The following UPRT variants were observed in gnomAD, a reference collection of about 807,000 sequenced individuals.
UPRT encodes uracil phosphoribosyltransferase homolog, also known as RP11-311P8.3.
In UPRT, 5 loss-of-function variants were observed where a neutral mutation model predicts 22.6. The ratio of observed to expected loss-of-function variants is 0.22; its 90% CI spans 0.12 to 0.47. The LOEUF (loss-of-function observed/expected upper bound fraction) is 0.47, where lower values mean the gene tolerates loss of function less well. Ranked by LOEUF, UPRT falls within the 20% of genes least tolerant of loss-of-function variation. The pLI is 0.99. For missense variants in UPRT, 181 were observed against 239.9 expected, an observed-to-expected ratio of 0.75 and a Z score of 1.62; for synonymous variants, 77 against 87.7, an observed-to-expected ratio of 0.88 and a Z score of 0.68.
At chrX:75,219,342 G>T (rs772470544) in intron 4 of UPRT, among the ~76,000 whole-genome samples, 1 of 112,223 alleles carries the variant, frequency 8.9e-6, no homozygotes, top group African/African-American at 3.2e-5. Context: ...GTAAAGAGGT[G>T]TGAATTCCAT....
chrX:75,285,543 C>T (rs1171314120), intron 1 of UPRT: 2 of 111,783 alleles, frequency 1.8e-5, no homozygotes, highest in Non-Finnish European at 3.8e-5. Flanking sequence ...ATACATTTCT[C>T]CCACAAACAG....
At chrX:75,210,272 C>A (rs1569266296) in intron 4 of UPRT, among the ~76,000 whole-genome samples, 1 of 111,315 alleles carries the variant, frequency 9.0e-6, no homozygotes. Flanking sequence ...TTTGCATGGG[C>A]CTGGGCATTC....
At chrX:75,303,368 A>G in intron 6 of UPRT, 37 bp from the exon 7 acceptor site, 1 of 1,115,615 alleles carries the variant, frequency 9.0e-7, no homozygotes, top group Non-Finnish European at 1.2e-6. Context: ...TGGTGTTACC[A>G]AAACATCCTA....
At chrX:75,242,031 A>T (rs1417708357) in intron 4 of UPRT, among the ~76,000 whole-genome samples, 1 of 110,785 alleles carries the variant, frequency 9.0e-6, no homozygotes, top group East Asian at 2.8e-4. Flanking sequence ...GAATTTATCC[A>T]TGTAACCAAA....
chrX:75,266,519 C>G (rs1046311465), intron 4 of UPRT, among the ~76,000 whole-genome samples: 4 of 111,585 alleles, frequency 3.6e-5, no homozygotes, highest in African/African-American at 1.3e-4. Context: ...CCATTCAGGA[C>G]ATAGGCATTG....
At chrX:75,183,147 T>A (rs755799735) in intron 4 of UPRT, among the ~76,000 whole-genome samples, 12 of 110,875 alleles carry the variant, frequency 1.1e-4, no homozygotes, top group Admixed American at 9.6e-4. Flanking sequence ...ACATTAGGTA[T>A]ATCTCCTAAT....
chrX:75,200,702 AG>A (rs1285896432), intron 4 of UPRT, among the ~76,000 whole-genome samples: 3 of 111,519 alleles, frequency 2.7e-5, no homozygotes, highest in African/African-American at 9.8e-5. Context: ...CTGTAATCGC[AG>A]CACTTTGGGA....
intron 4 of UPRT, among the ~76,000 whole-genome samples, chrX:75,215,400 G>A (rs1260203751): frequency 9.0e-6 from 1 of 111,346 alleles, no homozygotes; most frequent in African/African-American, 3.3e-5. Flanking sequence ...TTGACAACAG[G>A]ATATTAATAA....
At chrX:75,206,677 T>A (rs1477116531) in intron 4 of UPRT, among the ~76,000 whole-genome samples, 2 of 110,657 alleles carry the variant, frequency 1.8e-5, no homozygotes, top group African/African-American at 6.6e-5. Context: ...TAATGATTTT[T>A]TTTTTGAGAT....
chrX:75,176,298 C>T (rs1188985008), intron 4 of UPRT, among the ~76,000 whole-genome samples: 1 of 111,451 alleles, frequency 9.0e-6, no homozygotes, highest in African/African-American at 3.3e-5. Flanking sequence ...CTTTCTTCAG[C>T]TGTCATTCTA....
intron 2 of UPRT, among the ~76,000 whole-genome samples, chrX:75,162,463 C>T (rs1244255818): frequency 1.8e-5 from 2 of 111,367 alleles, no homozygotes; most frequent in East Asian, 5.6e-4. Flanking sequence ...ATCTTAAACT[C>T]TCCAAGTTGC....
chrX:75,250,421 T>A (rs1366331468), intron 4 of UPRT, among the ~76,000 whole-genome samples: 1 of 110,628 alleles, frequency 9.0e-6, no homozygotes. Flanking sequence ...CATGAAAGAA[T>A]ACTATAAACA....
At chrX:75,252,263 G>T (rs2082533277) in intron 4 of UPRT, among the ~76,000 whole-genome samples, 1 of 111,886 alleles carries the variant, frequency 8.9e-6, no homozygotes, top group South Asian at 3.7e-4. Context: ...ACTACCATCA[G>T]AGTGAACAGG....
intron 4 of UPRT, among the ~76,000 whole-genome samples, chrX:75,298,342 G>A (rs1381473160): frequency 1.8e-5 from 2 of 110,345 alleles, no homozygotes; most frequent in African/African-American, 6.6e-5. Context: ...ATAGGCAAAA[G>A]TGCTTGACTG....
chrX:75,254,618 G>A (rs1206211171), intron 4 of UPRT, among the ~76,000 whole-genome samples: 1 of 111,891 alleles, frequency 8.9e-6, no homozygotes, highest in Non-Finnish European at 1.9e-5. Flanking sequence ...GGGAATAATT[G>A]AGGAAAACTT....
At chrX:75,194,781 G>A (rs1483146628) in intron 4 of UPRT, among the ~76,000 whole-genome samples, 2 of 111,208 alleles carry the variant, frequency 1.8e-5, no homozygotes, top group African/African-American at 3.3e-5. Context: ...GTGCTGGCAG[G>A]TGCTTGACCA....
chrX:75,230,864 G>A (rs991757477), intron 4 of UPRT, among the ~76,000 whole-genome samples: 1 of 112,007 alleles, frequency 8.9e-6, no homozygotes, highest in Non-Finnish European at 1.9e-5. Context: ...AATCAGTGCA[G>A]TCTGACTCTT....
chrX:75,267,121 A>T (rs1316537207), intron 4 of UPRT, among the ~76,000 whole-genome samples: 1 of 111,967 alleles, frequency 8.9e-6, no homozygotes, highest in African/African-American at 3.2e-5. Flanking sequence ...TCATGCTGCT[A>T]TAAAGACACA....
At chrX:75,273,676 G>T (rs1205298092), upstream of UPRT, among the ~76,000 whole-genome samples, 2 of 112,048 alleles carry the variant, frequency 1.8e-5, no homozygotes, top group Non-Finnish European at 3.8e-5. Context: ...GAACAGTCTA[G>T]TAGAGGACAG....
Sources: gnomAD v4.1 joint callset for allele counts (sites outside exome capture counted in the v4.1 genomes callset) on GRCh38, gnomAD v4.1.1 for gene constraint, MANE v1.5 for transcripts, NCBI Gene and HGNC (gene_info 2026-07-23, HGNC 2026-07-21) for gene names.